REX1BD: variants seen among roughly 807,000 people sequenced by gnomAD.
The protein encoded by REX1BD is required for excision 1-B domain-containing protein.
REX1BD carries 22 observed loss-of-function variants against 24.4 expected under a neutral mutation model. The ratio of observed to expected loss-of-function variants is 0.90; its 90% confidence interval spans 0.64 to 1.29. The LOEUF is 1.29. Among genes scored for constraint, REX1BD ranks in the 50% most tolerant of loss-of-function variants. The pLI is 0.00. For synonymous variants in REX1BD, 146 were observed against 125.9 expected, an observed-to-expected ratio of 1.16 and a Z score of -1.07; for missense variants, 293 against 285.3, an observed-to-expected ratio of 1.03 and a Z score of -0.19.
chr19:18,590,309 A>G (rs1600644264), intron 3 of REX1BD: 1 of 140,164 alleles, frequency 7.1e-6, no homozygotes, highest in Non-Finnish European at 1.5e-5. Flanking sequence ...GCTAACGGCA[A>G]CCTCCGCCTC....
At chr19:18,591,489 A>C (rs1976039800) in intron 4 of REX1BD, 2 of 153,186 alleles carry the variant, frequency 1.3e-5, no homozygotes, top group Non-Finnish European at 2.9e-5. Context: ...AATTTTTTGT[A>C]TTTTAGTAGA....
Position 18,588,991 on chromosome 19 carries a change from G to A in REX1BD, c.100-4G>A. On this transcript the variant is annotated splice_region_variant and splice_polypyrimidine_tract_variant and intron_variant, in intron 1 of 4. Coordinates refer to ENST00000358607, the MANE Select transcript of REX1BD (RefSeq NM_001100418.2). ...ATGCCCCAGCCGTGCCCCCTGTCCCGCAGAAAGACGCCCCGATCCGGACGC... is the reference window on the plus strand; with the variant it reads ...ATGCCCCAGCCGTGCCCCCTGTCCCACAGAAAGACGCCCCGATCCGGACGC... 1.3e-6 allele frequency: 2 copies of A among 1,526,702 alleles called. No homozygotes were observed. The highest frequency in any genetic ancestry group is 1.7e-6 in the Non-Finnish European group (2 of 1,143,484). The allele number at this position is 1,526,702 out of a possible 1,614,324, so 94.6% of individuals were successfully genotyped here. A position where few individuals can be genotyped will look rare whatever the true frequency, so the allele number is the denominator to read the frequency against.
chr19:18,589,502 GCGGCCCTGACTA>G lies in REX1BD; in HGVS notation c.275_286del (p.Gly92_Tyr95del). 6.4e-7 allele frequency: 1 copy of G among 1,571,380 alleles called. No individual in the cohort carries two copies. Among genetic ancestry groups the G allele is most frequent in the Non-Finnish European group, 8.6e-7 (1 of 1,163,082 alleles). ...AGAGGCCACCGCCAGTACCTGCGCA[GCGGCCCTGACTA>G]CGACTTCGCGCGCTACCGGAGCACA... is the stretch of plus-strand genomic sequence containing the variant. On this transcript the variant is annotated inframe_deletion, in exon 3 of 5. Coordinates refer to ENST00000358607, the MANE Select transcript of REX1BD (RefSeq NM_001100418.2).
chr19:18,590,745 C>T, intron 3 of REX1BD, 109 bp from the exon 4 acceptor site: 1 of 1,040,420 alleles, frequency 9.6e-7, no homozygotes, highest in South Asian at 1.5e-5. Flanking sequence ...GTGGTTCTAC[C>T]CGGGCACTGC....
intron 2 of REX1BD, 68 bp from the exon 3 acceptor site, chr19:18,589,344 AG>A (rs1228472135): frequency 6.5e-7 from 1 of 1,548,874 alleles, no homozygotes; most frequent in African/African-American, 1.4e-5. Context: ...TGCGGGAGTC[AG>A]GAAGCGTCCT....
rs781301928 is a variant in REX1BD, at chr19:18,589,327, G to C, written c.183-86G>C. ...AAGAGCAGGGGTGGGCCTGTCTCGC[G>C]TTCCCCTGCGGGAGTCAGGAAGCGT... On this transcript the variant is annotated intron_variant, in intron 2 of 4. Transcript: ENST00000358607. 1.0e-5 allele frequency: 16 copies of C among 1,547,024 alleles called. No homozygotes were observed. In the Admixed American group the frequency reaches 2.2e-4, roughly 21 times the overall value.
Position 18,589,494 on chromosome 19 carries a change from C to A in REX1BD, c.264C>A (p.Tyr88Ter), listed in dbSNP as rs1975991468. The A allele has an allele frequency of 1.3e-6, 2 of 1,568,040 alleles. No homozygotes were observed. Among genetic ancestry groups the A allele is most frequent in the East Asian group, 2.4e-5 (1 of 42,020 alleles). The stretch of plus-strand genomic sequence containing the variant: ...CATGCCGCAGAGGCCACCGCCAGTA[C>A]CTGCGCAGCGGCCCTGACTACGACT... ...VPTCRRGHRQ[Y>*]LRSGPDYDFA... The change falls in exon 3 of 5, where the codon TAC (tyrosine) becomes TAA (stop). Residue 88 changes from tyrosine to a stop codon, truncating the protein, a stop_gained. Transcript: ENST00000358607. LOFTEE classifies it high-confidence loss of function.
intron 3 of REX1BD, 176 bp from the exon 4 acceptor site, chr19:18,590,674 CCTTT>C (rs1418820328): frequency 1.2e-5 from 7 of 587,896 alleles, no homozygotes; most frequent in African/African-American, 1.9e-5. Flanking sequence ...CCTGCTGTCT[CCTTT>C]CTGAGAGAGC....
chr19:18,588,923 A>T, intron 1 of REX1BD, 23 bp downstream of exon 1: 1 of 1,526,252 alleles, frequency 6.6e-7, no homozygotes, highest in Non-Finnish European at 8.7e-7. Context: ...CCAAGCGGGA[A>T]CGGGCGCGGG....
chr19:18,589,270 G>GACTC, intron 2 of REX1BD, 143 bp from the exon 3 acceptor site: 1 of 1,537,234 alleles, frequency 6.5e-7, no homozygotes, highest in Admixed American at 2.0e-5. Context: ...ACTACCCGAC[G>GACTC]ACTCACTCTT....
chr19:18,590,969 G>A (rs981816202), intron 4 of REX1BD, 36 bp downstream of exon 4: 1 of 1,490,550 alleles, frequency 6.7e-7, no homozygotes, highest in Non-Finnish European at 9.0e-7. Context: ...GGCTATGCTC[G>A]ATTTGCACCA....
Position 18,588,834 on chromosome 19 carries a change from C to G in REX1BD, c.33C>G (p.Val11=). MITETAAEPT[V]PAVPAAEEAT... Reference sequence around the variant, plus strand: ...CCGAGACCGCGGCGGAGCCTACGGTCCCTGCAGTGCCTGCTGCTGAGGAGG... The same window carrying G: ...CCGAGACCGCGGCGGAGCCTACGGTGCCTGCAGTGCCTGCTGCTGAGGAGG... The change falls in exon 1 of 5, where the codon GTC becomes GTG. Residue 11 remains valine (V), a synonymous_variant. Coordinates refer to ENST00000358607, the MANE Select transcript of REX1BD (RefSeq NM_001100418.2). 1 of 1,533,316 alleles carries G rather than the reference C, an allele frequency of 6.5e-7. No homozygotes were observed. Among genetic ancestry groups the G allele is most frequent in the Non-Finnish European group, 8.7e-7 (1 of 1,145,988 alleles). 95.0% of individuals were successfully genotyped at this position (1,533,316 alleles called of 1,614,324 possible). A position where few individuals can be genotyped will look rare whatever the true frequency, so the allele number is the denominator to read the frequency against.
chr19:18,589,883 A>G, intron 3 of REX1BD, 200 bp downstream of exon 3: 2 of 763,810 alleles, frequency 2.6e-6, no homozygotes, highest in South Asian at 2.6e-5. Context: ...TTTTTTCCCA[A>G]GTTTTGTCCT....
intron 2 of REX1BD, 152 bp from the exon 3 acceptor site, chr19:18,589,261 C>G (rs1053201589): frequency 6.5e-7 from 1 of 1,535,750 alleles, no homozygotes; most frequent in African/African-American, 1.4e-5. Context: ...CACGTCCCCA[C>G]TACCCGACGA....
Position 18,588,843 on chromosome 19 carries a change from G to T in REX1BD, c.42G>T (p.Val14=), listed in dbSNP as rs919197978. 46 of 1,533,578 alleles carry T rather than the reference G, an allele frequency of 3.0e-5. No individual in the cohort carries two copies. The highest frequency in any genetic ancestry group is 1.5e-4 in the East Asian group (6 of 40,712). The allele number at this position is 1,533,578 out of a possible 1,614,324, so 95.0% of individuals were successfully genotyped here. A position where few individuals can be genotyped will look rare whatever the true frequency, so the allele number is the denominator to read the frequency against. ...ETAAEPTVPA[V]PAAEEATEAR... is the part of the protein sequence containing the mutation. ...CGGCGGAGCCTACGGTCCCTGCAGT[G>T]CCTGCTGCTGAGGAGGCCACCGAAG... Residue 14 remains valine, a synonymous_variant, in exon 1 of 5, where the codon GTG becomes GTT. Coordinates refer to ENST00000358607, the MANE Select transcript of REX1BD (RefSeq NM_001100418.2).
At position 18,592,100 on chromosome 19, in the gene REX1BD, T is replaced by C; in HGVS notation, c.534-8T>C. The C allele has an allele frequency of 6.2e-7, 1 of 1,613,958 alleles. No homozygotes were observed. The highest frequency in any genetic ancestry group is 8.5e-7 in the Non-Finnish European group (1 of 1,179,988). ...GGTTTTATTTATAGTTCCCATCCGC[T>C]CTTGTAGGGTAATTAAAACCATGGA... On this transcript the variant is annotated splice_region_variant and splice_polypyrimidine_tract_variant and intron_variant, in intron 4 of 4. Coordinates refer to ENST00000358607, the MANE Select transcript of REX1BD (RefSeq NM_001100418.2).
rs971358667 is a variant in REX1BD at position 18,589,518 on chromosome 19, C to T, written c.288C>T (p.Asp96=). The T allele has an allele frequency of 6.3e-7, 1 of 1,578,664 alleles. No homozygotes were observed. The highest frequency in any genetic ancestry group is 1.1e-5 in the South Asian group (1 of 87,426). Residue 96 remains aspartate (D), a synonymous_variant, in exon 3 of 5, where the codon GAC becomes GAT. Transcript: ENST00000358607. ...ACCTGCGCAGCGGCCCTGACTACGA[C>T]TTCGCGCGCTACCGGAGCACAGTGC... ...RQYLRSGPDY[D]FARYRSTVHG...
intron 2 of REX1BD, 62 bp from the exon 3 acceptor site, chr19:18,589,351 G>C: frequency 1.3e-6 from 2 of 1,549,504 alleles, no homozygotes; most frequent in Non-Finnish European, 1.7e-6. Context: ...GTCAGGAAGC[G>C]TCCTTCCTAC....
rs903470856 is a variant in REX1BD at position 18,588,910 on chromosome 19, G to A, written c.99+10G>A. ...GCCGGCGTGGCCCTGGGTGAGCCCA[G>A]GCCCAAGCGGGAACGGGCGCGGGGC... On this transcript the variant is annotated intron_variant, in intron 1 of 4. Coordinates refer to ENST00000358607, the MANE Select transcript of REX1BD (RefSeq NM_001100418.2). The A allele has an allele frequency of 3.3e-6, 5 of 1,528,180 alleles. No individual in the cohort carries two copies. Among genetic ancestry groups the A allele is most frequent in the Non-Finnish European group, 4.4e-6 (5 of 1,143,958 alleles). 94.7% of individuals were successfully genotyped at this position (1,528,180 alleles called of 1,614,324 possible). A position where few individuals can be genotyped will look rare whatever the true frequency, so the allele number is the denominator to read the frequency against.
Sources: allele counts gnomAD v4.1 joint callset, GRCh38; gene constraint gnomAD v4.1.1; transcripts MANE v1.5; gene names NCBI Gene and HGNC (gene_info 2026-07-23, HGNC 2026-07-21).